Variants in MROH7 observed in about 807,000 individuals in gnomAD.
MROH7 encodes maestro heat-like repeat-containing protein family member 7.
MROH7 carries 113 observed loss-of-function variants against 129.2 expected under a neutral mutation model. The ratio of observed to expected loss-of-function variants is 0.87; its 90% CI spans 0.75 to 1.02. The LOEUF is 1.02. MROH7 is among the 50% of genes least tolerant of loss of function. The pLI, the probability that MROH7 is intolerant of heterozygous loss-of-function variation, is 0.00. For synonymous variants in MROH7, 655 were observed against 667.9 expected, an observed-to-expected ratio of 0.98 and a Z score of 0.30; for missense variants, 1,601 against 1,671.3, an observed-to-expected ratio of 0.96 and a Z score of 0.73.
At position 54,666,083 on chromosome 1, in the gene MROH7, C is replaced by G. The variant is rs373792194; in HGVS notation, c.1305+843C>G. On this transcript the variant is annotated intron_variant, in intron 4 of 23. Transcript: ENST00000421030. ...ACGTGTTTCTTCTGCCAGGAAAGTT[C>G]TATAAAATGGGCACAACAAAGCTGA... 8.5e-5 allele frequency among the ~76,000 whole-genome samples: 13 copies of G among 152,346 alleles called. No individual in the cohort carries two copies. In the East Asian group the frequency reaches 2.3e-3, roughly 27 times the overall value.
chr1:54,679,910 G>A lies in MROH7; in HGVS notation c.2246G>A (p.Gly749Asp). The A allele has an allele frequency of 1.2e-6, 2 of 1,611,346 alleles. No homozygotes were observed. Among genetic ancestry groups the A allele is most frequent in the Non-Finnish European group, 8.5e-7 (1 of 1,179,146 alleles). The part of the protein sequence containing the change: ...ALEVIPEIMQ[G>D]IYMQLSHIQE... ...CCCCAGATCCCAGAAATCATGCAAGGCATCTACATGCAGCTGAGCCACATC... is the reference window on the plus strand; with the variant it reads ...CCCCAGATCCCAGAAATCATGCAAGACATCTACATGCAGCTGAGCCACATC... Residue 749 changes from glycine (G) to aspartate (D), a missense_variant, in exon 13 of 24, where the codon GGC (glycine) becomes GAC (aspartate). Physicochemically the swap from Gly to Asp is moderately conservative, Grantham distance 94 (BLOSUM62 -1). Coordinates refer to ENST00000421030, the MANE Select transcript of MROH7 (RefSeq NM_001039464.4).
intron 3 of MROH7, among the ~76,000 whole-genome samples, chr1:54,655,528 A>G (rs926898100): frequency 4.6e-5 from 7 of 151,018 alleles, no homozygotes; most frequent in Non-Finnish European, 8.9e-5. Context: ...ACACCACACC[A>G]CCACACCTGA....
intron 7 of MROH7, 24 bp downstream of exon 7, chr1:54,670,953 G>A (rs1163158102): frequency 3.2e-6 from 5 of 1,574,900 alleles, no homozygotes; most frequent in Non-Finnish European, 4.3e-6. Context: ...TTCCCAGCAG[G>A]GCCTCAGGGC....
chr1:54,706,936 T>G (rs1645543988), intron 22 of MROH7, among the ~76,000 whole-genome samples: 1 of 152,198 alleles, frequency 6.6e-6, no homozygotes, highest in African/African-American at 2.4e-5. Flanking sequence ...TCCCTTCCTG[T>G]GTCACCCTAA....
chr1:54,702,140 C>T lies in MROH7; in HGVS notation c.3336C>T (p.Val1112=). Residue 1112 remains valine, a synonymous_variant, in exon 20 of 24, where the codon GTC becomes GTT. Coordinates refer to ENST00000421030, the MANE Select transcript of MROH7 (RefSeq NM_001039464.4). The stretch of plus-strand genomic sequence containing the variant: ...GCATCAACCTGTATGGGAAGGTGGT[C>T]CAGAAGCTTCGGGCACCACGCACTC... The part of the protein sequence containing the change: ...SSCINLYGKV[V]QKLRAPRTQA... 6.2e-7 allele frequency: 1 copy of T among 1,611,666 alleles called. No homozygotes were observed. The highest frequency in any genetic ancestry group is 8.5e-7 in the Non-Finnish European group (1 of 1,178,918).
chr1:54,703,122 T>G lies in MROH7; in HGVS notation c.3564+377T>G, dbSNP rs1266000334. 6.6e-6 allele frequency among the ~76,000 whole-genome samples: 1 copy of G among 152,154 alleles called. No homozygotes were observed. Among genetic ancestry groups the G allele is most frequent in the Non-Finnish European group, 1.5e-5 (1 of 68,038 alleles). On this transcript the variant is annotated intron_variant, in intron 21 of 23. Transcript: ENST00000421030. This position sits in a 1 kb window ranked among gnomAD's most constrained non-coding sequence, Gnocchi z 4.4. ...TCAATCTTAAATATCCCGAGTATCT[T>G]GGAATCTGCTTTTCCCTCCCCACCC...
At chr1:54,658,523 A>G (rs891342131) in intron 3 of MROH7, among the ~76,000 whole-genome samples, 1 of 152,188 alleles carries the variant, frequency 6.6e-6, no homozygotes, top group African/African-American at 2.4e-5. Flanking sequence ...GTATTTTCAA[A>G]TTATAGTAGC....
At chr1:54,681,003 T>C (rs1054862769) in intron 13 of MROH7, among the ~76,000 whole-genome samples, 4 of 152,048 alleles carry the variant, frequency 2.6e-5, no homozygotes, top group Non-Finnish European at 4.4e-5. Context: ...ACTGGGGGCC[T>C]CATCTGACAT....
chr1:54,652,918 A>T lies in MROH7; in HGVS notation c.-9A>T, dbSNP rs764113983. 5.8e-6 allele frequency: 9 copies of T among 1,562,154 alleles called. 1 individual carries two copies. In the South Asian group the frequency reaches 1.1e-4, roughly 19 times the overall value. On this transcript the variant is annotated 5_prime_UTR_variant, in exon 3 of 24. Transcript: ENST00000421030. ...CGGGCACTGGCATTGAGAGACCTCC[A>T]GACTGGACATGGCCCTGAGTCCAGG...
chr1:54,709,514 G>A (rs1026288975), intron 23 of MROH7, among the ~76,000 whole-genome samples: 9 of 152,090 alleles, frequency 5.9e-5, no homozygotes, highest in Non-Finnish European at 8.8e-5. Flanking sequence ...CACTGCGCCT[G>A]GCCAATTTTA....
Position 54,665,146 on chromosome 1 carries a change from CATTGAA to C in MROH7, c.1232-18_1232-13del. ...TACATCACAGCTTTATCCACCTTCT[CATTGAA>C]ATCGTGCCCTGCAGGAGCCTTTGAT... On this transcript the variant is annotated splice_polypyrimidine_tract_variant and intron_variant, in intron 3 of 23. Transcript: ENST00000421030. 1 of 1,604,306 alleles carries C rather than the reference CATTGAA, an allele frequency of 6.2e-7. No homozygotes were observed. The highest frequency in any genetic ancestry group is 1.1e-5 in the South Asian group (1 of 90,772).
chr1:54,678,714 C>A (rs1645019730), intron 10 of MROH7, 28 bp from the exon 11 acceptor site: 1 of 1,516,136 alleles, frequency 6.6e-7, no homozygotes, highest in African/African-American at 1.4e-5. Context: ...GGAGATCCGG[C>A]CTCACTGAGA....
At chr1:54,688,593 T>C (rs2101158305) in intron 15 of MROH7, among the ~76,000 whole-genome samples, 1 of 152,312 alleles carries the variant, frequency 6.6e-6, no homozygotes, top group African/African-American at 2.4e-5. Context: ...GAATTTTACC[T>C]CTTGGCAGTT....
chr1:54,702,856 T>A, intron 21 of MROH7, 111 bp downstream of exon 21: 1 of 1,328,204 alleles, frequency 7.5e-7, no homozygotes, highest in Non-Finnish European at 1.0e-6. Context: ...CATGACCAAC[T>A]ACAAGTTGTT....
intron 15 of MROH7, among the ~76,000 whole-genome samples, chr1:54,689,534 T>C (rs1030257640): frequency 2.0e-5 from 3 of 152,170 alleles, no homozygotes; most frequent in Non-Finnish European, 4.4e-5. Flanking sequence ...CCACGGGGCA[T>C]CAGCACACAA....
In MROH7 at chr1:54,653,927, A is replaced by G. The variant is rs1157116119; in HGVS notation, c.1001A>G (p.Asn334Ser). 8 of 1,614,006 alleles carry G rather than the reference A, an allele frequency of 5.0e-6. No individual in the cohort carries two copies. In the Admixed American group the frequency reaches 5.0e-5, roughly 10 times the overall value. ...PSCMTLILGSNETLSLDSSLL... is the reference protein window; with the variant it reads ...PSCMTLILGSSETLSLDSSLL... The stretch of plus-strand genomic sequence containing the variant: ...TGCATGACTCTAATCCTGGGTTCCA[A>G]TGAGACTCTGAGCCTGGACTCCAGC... The change falls in exon 3 of 24, where the codon AAT (asparagine) becomes AGT (serine). Residue 334 changes from asparagine to serine, a missense_variant. By Grantham distance (46) the Asn-to-Ser change is conservative. Coordinates refer to ENST00000421030, the MANE Select transcript of MROH7 (RefSeq NM_001039464.4).
chr1:54,700,096 A>G (rs375787239), intron 17 of MROH7: 83 of 705,050 alleles, frequency 1.2e-4, no homozygotes, highest in African/African-American at 7.3e-4. Flanking sequence ...GAAAGGCAAC[A>G]ACAAGCAGTC....
chr1:54,665,315 A>G lies in MROH7; in HGVS notation c.1305+75A>G. ...CTGCCAACCCCCTACCCCCCAGCCC[A>G]GCAGCCTCCGCATTCCCCATGCCTC... On this transcript the variant is annotated intron_variant, in intron 4 of 23. Transcript: ENST00000421030. 4 of 1,171,482 alleles carry G rather than the reference A, an allele frequency of 3.4e-6. No individual in the cohort carries two copies. The Admixed American group carries it at 7.4e-5, about 22-fold the overall frequency. The allele number at this position is 1,171,482 out of a possible 1,614,324, so 72.6% of individuals were successfully genotyped here. A position where few individuals can be genotyped will look rare whatever the true frequency, so the allele number is the denominator to read the frequency against.
At chr1:54,684,742 C>T (rs988502962) in intron 14 of MROH7, among the ~76,000 whole-genome samples, 1 of 152,234 alleles carries the variant, frequency 6.6e-6, no homozygotes, top group African/African-American at 2.4e-5. Context: ...ACTATATAAC[C>T]GTGGTCAATC....
Sources: gnomAD v4.1 joint callset for allele counts (sites outside exome capture counted in the v4.1 genomes callset) on GRCh38, gnomAD v4.1.1 for gene constraint, Gnocchi (gnomAD v3.1) non-coding constraint, MANE v1.5 for transcripts, NCBI Gene and HGNC (gene_info 2026-07-23, HGNC 2026-07-21) for gene names.